MDGA2: variants seen among roughly 807,000 people sequenced by gnomAD.
The protein encoded by MDGA2 is MAM domain-containing glycosylphosphatidylinositol anchor protein 2.
MDGA2 carries 40 observed loss-of-function variants against 117.8 expected under a neutral mutation model. The observed-to-expected ratio is 0.34, with a 90% CI of 0.26 to 0.44. The LOEUF is 0.44. MDGA2 is among the 20% of genes least tolerant of loss of function. The pLI is 1.00. For missense variants in MDGA2, 1,123 were observed against 1,250.6 expected (o/e 0.90, Z 1.54); for synonymous variants, 452 against 439.0 (o/e 1.03, Z -0.37).
intron 1 of MDGA2, among the ~76,000 whole-genome samples, chr14:47,402,170 A>T (rs762699676): frequency 2.0e-5 from 3 of 152,172 alleles, no homozygotes; most frequent in Admixed American, 6.5e-5. Context: ...CATCTTTAAA[A>T]GGCATTAAAA....
rs1290905603 is a variant in MDGA2, at chr14:47,061,412, C to T, written c.1362G>A (p.Arg454=). Residue 454 remains arginine, a synonymous_variant, in exon 7 of 17, where the codon CGG becomes CGA. Transcript: ENST00000399232. ...CAGGATCAGTCTGTGTAATGACCAT[C>T]CGCTCAGAACTTCTTAATGGACGAC... ...KNGRPLRSSE[R]MVITQTDPDV... is the part of the protein sequence containing the mutation. 1 of 1,613,536 alleles carries T rather than the reference C, an allele frequency of 6.2e-7. No homozygotes were observed. The highest frequency in any genetic ancestry group is 8.5e-7 in the Non-Finnish European group (1 of 1,179,684).
intron 3 of MDGA2, among the ~76,000 whole-genome samples, chr14:47,205,055 T>C (rs966106750): frequency 2.0e-5 from 3 of 151,968 alleles, no homozygotes; most frequent in African/African-American, 7.2e-5. Flanking sequence ...ACAAATGATA[T>C]ATACAGATAC....
intron 1 of MDGA2, among the ~76,000 whole-genome samples, chr14:47,606,001 A>G (rs887702620): frequency 3.3e-5 from 5 of 152,124 alleles, no homozygotes; most frequent in African/African-American, 9.7e-5. Context: ...TTCAAACACC[A>G]TATCTAATGG....
chr14:47,553,759 G>A (rs1895632068), intron 1 of MDGA2, among the ~76,000 whole-genome samples: 1 of 151,682 alleles, frequency 6.6e-6, no homozygotes, highest in South Asian at 2.1e-4. Flanking sequence ...AAAAAATATG[G>A]CATAAAAGTA....
chr14:47,540,540 G>GTGTGTGTATATATATATATATA, intron 1 of MDGA2, among the ~76,000 whole-genome samples: 3 of 79,184 alleles, frequency 3.8e-5, no homozygotes, highest in African/African-American at 1.2e-4. Context: ...GTGTGTGTGT[G>GTGTGTGTATATATATATATATA]TATATATATA....
chr14:47,255,786 G>T (rs908007800), intron 2 of MDGA2, among the ~76,000 whole-genome samples: 4 of 151,950 alleles, frequency 2.6e-5, no homozygotes, highest in African/African-American at 9.7e-5. Context: ...CATAAAATAA[G>T]CTTCCAGGAT....
At chr14:47,063,059 A>C (rs1420475041) in intron 6 of MDGA2, among the ~76,000 whole-genome samples, 1 of 152,068 alleles carries the variant, frequency 6.6e-6, no homozygotes, top group Non-Finnish European at 1.5e-5. Flanking sequence ...CATGTACTGC[A>C]GCCTGCATAT....
chr14:47,337,894 A>G (rs1890508622), intron 1 of MDGA2, among the ~76,000 whole-genome samples: 1 of 152,020 alleles, frequency 6.6e-6, no homozygotes, highest in African/African-American at 2.4e-5. Context: ...GTTTAGTGTA[A>G]GCTAGTCTAT....
intron 3 of MDGA2, 140 bp downstream of exon 3, chr14:47,217,881 T>A: frequency 1.7e-6 from 1 of 597,838 alleles, no homozygotes; most frequent in Non-Finnish European, 2.6e-6. Context: ...TCAGGAACGT[T>A]TTAAGGGAGC....
intron 1 of MDGA2, among the ~76,000 whole-genome samples, chr14:47,397,322 G>A (rs1892034654): frequency 1.3e-5 from 2 of 152,104 alleles, no homozygotes; most frequent in Non-Finnish European, 2.9e-5. Flanking sequence ...ACACACTGGG[G>A]CCTGTCGGAG....
intron 2 of MDGA2, among the ~76,000 whole-genome samples, chr14:47,275,382 G>C (rs1246198941): frequency 2.0e-5 from 3 of 152,132 alleles, no homozygotes; most frequent in Non-Finnish European, 4.4e-5. Context: ...GCTATTGCTA[G>C]TTACAGGTTA....
At chr14:47,062,666 T>C (rs1194981744) in intron 6 of MDGA2, among the ~76,000 whole-genome samples, 3 of 151,960 alleles carry the variant, frequency 2.0e-5, no homozygotes, top group Non-Finnish European at 2.9e-5. Context: ...AAAAATGCCA[T>C]GAATTTAGAG....
intron 1 of MDGA2, among the ~76,000 whole-genome samples, chr14:47,650,958 A>T (rs1168358504): frequency 6.6e-6 from 1 of 152,052 alleles, no homozygotes; most frequent in Non-Finnish European, 1.5e-5. Flanking sequence ...TAATTATCTT[A>T]CTTGGTGTTA....
At chr14:46,996,349 AC>A (rs1887290977) in intron 8 of MDGA2, 1 of 152,122 alleles carries the variant, frequency 6.6e-6, no homozygotes, top group African/African-American at 2.4e-5. Context: ...AACCCACCAG[AC>A]CTAAGCCTTC....
intron 1 of MDGA2, among the ~76,000 whole-genome samples, chr14:47,433,802 A>G (rs537533410): frequency 2.2e-4 from 34 of 152,258 alleles, no homozygotes; most frequent in Non-Finnish European, 4.1e-4. Context: ...TAAATATCTC[A>G]TCTAGCTATG....
chr14:47,621,561 C>T (rs1897050447), intron 1 of MDGA2, among the ~76,000 whole-genome samples: 1 of 152,126 alleles, frequency 6.6e-6, no homozygotes, highest in Admixed American at 6.5e-5. Flanking sequence ...GAGCAAACAG[C>T]ATCTCTTCAT....
chr14:46,927,723 G>A (rs368408785), intron 9 of MDGA2, among the ~76,000 whole-genome samples: 1 of 152,156 alleles, frequency 6.6e-6, no homozygotes, highest in Admixed American at 6.6e-5. Flanking sequence ...TCAAAACTAT[G>A]TCTTCCCATT....
At chr14:47,305,399 A>G (rs1296224477) in intron 1 of MDGA2, 1 of 152,182 alleles carries the variant, frequency 6.6e-6, no homozygotes, top group Non-Finnish European at 1.5e-5. Flanking sequence ...CTTGAAGTAA[A>G]CCAAATTTCA....
chr14:46,970,019 C>A (rs1886203894), intron 8 of MDGA2, among the ~76,000 whole-genome samples: 1 of 144,870 alleles, frequency 6.9e-6, no homozygotes, highest in African/African-American at 2.5e-5. Flanking sequence ...TCTGCAAGGG[C>A]AACTACAGAA....
Sources: allele counts gnomAD v4.1 joint callset (sites outside exome capture counted in the v4.1 genomes callset), GRCh38; gene constraint gnomAD v4.1.1; transcripts MANE v1.5; gene names NCBI Gene and HGNC (gene_info 2026-07-23, HGNC 2026-07-21).